Variants in CFAP46 observed in about 807,000 individuals in gnomAD.
CFAP46 encodes cilia and flagella associated protein 46, also known as cilia- and flagella-associated protein 46.
A neutral mutation model predicts 325.7 loss-of-function variants in CFAP46; 245 were observed. That is an observed-to-expected ratio of 0.75 (90% confidence interval 0.68 to 0.84). The LOEUF is 0.84. Among genes scored for constraint, CFAP46 ranks in the 40% least tolerant of loss-of-function variants. CFAP46 has a pLI of 0.00. For synonymous variants in CFAP46, 1,523 were observed against 1,495.9 expected, an observed-to-expected ratio of 1.02 and a Z score of -0.42; for missense variants, 3,346 against 3,543.0, an observed-to-expected ratio of 0.94 and a Z score of 1.41.
Position 132,872,609 on chromosome 10 carries a change from C to G in CFAP46, c.4511+67G>C, listed in dbSNP as rs1392754971. On this transcript the variant is annotated intron_variant, in intron 32 of 57. Transcript: ENST00000368586. ...ACACAGTCAACTACAGAATTAATAC[C>G]TTAACATGTTGTTTATTTTTGTTTT... 4 of 1,522,686 alleles carry G rather than the reference C, an allele frequency of 2.6e-6. No individual in the cohort carries two copies. The Admixed American group carries it at 5.9e-5, about 22-fold the overall frequency. 94.3% of individuals were successfully genotyped at this position (1,522,686 alleles called of 1,614,324 possible).
intron 11 of CFAP46, among the ~76,000 whole-genome samples, chr10:132,923,060 G>T (rs1849751442): frequency 6.6e-6 from 1 of 152,234 alleles, no homozygotes; most frequent in African/African-American, 2.4e-5. Context: ...AGGGGTCGGG[G>T]TGCAGGGCTG....
At chr10:132,887,105 CCT>C (rs1436749089) in intron 25 of CFAP46, among the ~76,000 whole-genome samples, 1 of 140,378 alleles carries the variant, frequency 7.1e-6, no homozygotes, top group Non-Finnish European at 1.5e-5. Context: ...TCTCCTCTCT[CCT>C]CTTTCACCTC....
At chr10:132,850,625 T>C (rs1660359491) in intron 40 of CFAP46, among the ~76,000 whole-genome samples, 193 bp from the exon 41 acceptor site, 1 of 152,222 alleles carries the variant, frequency 6.6e-6, no homozygotes, top group Admixed American at 6.5e-5. Context: ...CATAGAACCT[T>C]AATTCAGAGC....
Position 132,886,438 on chromosome 10 carries a change from C to T in CFAP46, c.3305-479G>A, listed in dbSNP as rs920269582. 1.2e-4 allele frequency among the ~76,000 whole-genome samples: 18 copies of T among 152,222 alleles called. No individual in the cohort carries two copies. The highest frequency in any genetic ancestry group is 3.9e-4 in the African/African-American group (16 of 41,458). On this transcript the variant is annotated intron_variant, in intron 25 of 57. Transcript: ENST00000368586. This position sits in a 1 kb window ranked among gnomAD's most constrained non-coding sequence, Gnocchi z 5.8. ...ACGCAGGCAGCGGAGCCATGTGACA[C>T]GCAGAGGCAAAGGTGCCTGCCTTCA... is the stretch of plus-strand genomic sequence containing the variant.
Position 132,835,338 on chromosome 10 carries a change from A to C in CFAP46, c.6710T>G (p.Val2237Gly), listed in dbSNP as rs769123075. Residue 2237 changes from valine (V) to glycine (G), a missense_variant, in exon 47 of 58, where the codon GTG (valine) becomes GGG (glycine). Transcript: ENST00000368586. ...QQFRKQTQAQ[V>G]YSEDMALNIG... ...GTTCAGGGCCATGTCCTCACTGTACACCTGGGCCTGGGTCTGCTTCCGGAA... is the reference window on the plus strand; with the variant it reads ...GTTCAGGGCCATGTCCTCACTGTACCCCTGGGCCTGGGTCTGCTTCCGGAA... The C allele has an allele frequency of 8.1e-6, 13 of 1,613,408 alleles. No individual in the cohort carries two copies. In the African/African-American group the frequency reaches 1.6e-4, roughly 20 times the overall value.
At chr10:132,883,626 G>A (rs1041796192) in intron 27 of CFAP46, among the ~76,000 whole-genome samples, 1 of 152,238 alleles carries the variant, frequency 6.6e-6, no homozygotes. Flanking sequence ...CTGTGCCCCC[G>A]GGGGACGAGG....
At position 132,885,150 on chromosome 10, in the gene CFAP46, C is replaced by T. The variant is rs370936158; in HGVS notation, c.3580G>A (p.Val1194Met). The change falls in exon 27 of 58, where the codon GTG becomes ATG. Residue 1194 changes from valine (V) to methionine (M), a missense_variant. Physicochemically the swap from Val to Met is conservative, Grantham distance 21. Coordinates refer to ENST00000368586, the MANE Select transcript of CFAP46 (RefSeq NM_001200049.3). ...TTGTAGCAGGCCAGCTCTCCAGACA[C>T]GCTCGGCGAGTTCAGGGCCAGGCGG... ...WHRLALNSPS[V>M]SGELACYNNA... is the part of the protein sequence containing the mutation. 1,363 of 1,550,336 alleles carry T rather than the reference C, an allele frequency of 8.8e-4. 18 individuals are homozygous for T. In the South Asian group the frequency reaches 0.015, roughly 17 times the overall value.
Position 132,850,442 on chromosome 10 carries a change from G to C in CFAP46, c.5764-10C>G. On this transcript the variant is annotated splice_polypyrimidine_tract_variant and intron_variant, in intron 40 of 57. Coordinates refer to ENST00000368586, the MANE Select transcript of CFAP46 (RefSeq NM_001200049.3). ...TCAGCGTGAACCATTGCTTCGAAAA[G>C]ACAGACATGTTACAGCTGCCACCCC... is the stretch of plus-strand genomic sequence containing the variant. 1 of 1,548,194 alleles carries C rather than the reference G, an allele frequency of 6.5e-7. No homozygotes were observed. Among genetic ancestry groups the C allele is most frequent in the Non-Finnish European group, 8.8e-7 (1 of 1,142,848 alleles).
chr10:132,808,721 A>C lies in CFAP46; in HGVS notation c.7848T>G (p.Pro2616=). The change falls in exon 58 of 58, where the codon CCT becomes CCG. Residue 2616 remains proline (P), a synonymous_variant. Coordinates refer to ENST00000368586, the MANE Select transcript of CFAP46 (RefSeq NM_001200049.3). The surrounding 1 kb of genome is among the most constrained non-coding windows in gnomAD (Gnocchi z 6.8). The stretch of plus-strand genomic sequence containing the variant: ...CCGGGAGGTGGGGATGGGTTGGCAG[A>C]GGGGCAGAGCCAAGGGCAGAGGCAA... The part of the protein sequence containing the change: ...PALASALGSA[P]LPTHPHLPAP... 5 of 1,569,632 alleles carry C rather than the reference A, an allele frequency of 3.2e-6. No homozygotes were observed. Among genetic ancestry groups the C allele is most frequent in the Non-Finnish European group, 1.7e-6 (2 of 1,157,596 alleles).
At position 132,886,482 on chromosome 10, in the gene CFAP46, C is replaced by CCT. The variant is rs1350330973; in HGVS notation, c.3305-525_3305-524dup. Among the ~76,000 whole-genome samples the CCT allele has an allele frequency of 2.6e-5, 4 of 152,194 alleles. No individual in the cohort carries two copies. The highest frequency in any genetic ancestry group is 9.7e-5 in the African/African-American group (4 of 41,446). On this transcript the variant is annotated intron_variant, in intron 25 of 57. Coordinates refer to ENST00000368586, the MANE Select transcript of CFAP46 (RefSeq NM_001200049.3). The surrounding 1 kb of genome is among the most constrained non-coding windows in gnomAD (Gnocchi z 5.8). ...GCCTTCAGGGCACACACAAAAATCG[C>CCT]CTGCCTGCCGGGAGGTGAGCCCCAC...
At chr10:132,814,517 G>A (rs1847649898) in intron 53 of CFAP46, 60 bp downstream of exon 53, 1 of 1,543,278 alleles carries the variant, frequency 6.5e-7, no homozygotes. Context: ...CACAACTGCA[G>A]GACGGCAGGA....
intron 16 of CFAP46, 108 bp from the exon 17 acceptor site, chr10:132,916,790 A>C: frequency 1.4e-6 from 2 of 1,380,748 alleles, no homozygotes; most frequent in Non-Finnish European, 1.9e-6. Context: ...AATGCCAAGC[A>C]CAGGCTGTGA....
chr10:132,867,857 G>A (rs754182910), intron 33 of CFAP46, among the ~76,000 whole-genome samples: 1 of 152,166 alleles, frequency 6.6e-6, no homozygotes, highest in Non-Finnish European at 1.5e-5. Context: ...ACAGGTCCCT[G>A]GGTGGGCTCC....
At chr10:132,837,794 TG>T (rs36133083) in intron 44 of CFAP46, among the ~76,000 whole-genome samples, 2 of 97,060 alleles carry the variant, frequency 2.1e-5, no homozygotes, top group Non-Finnish European at 4.1e-5. Flanking sequence ...CAGACATGCA[TG>T]GACACACATG....
In CFAP46 at chr10:132,924,866, C is replaced by G; in HGVS notation, c.1086G>C (p.Gln362His). ...CTCGCTGCAGCGCGACGTCTAGCCT[C>G]TGTATGATATCCAGCTGGGCCTGCG... The part of the protein sequence containing the change: ...AAVEAQLDII[Q>H]RLDVALQRAV... Residue 362 changes from glutamine (Q) to histidine (H), a missense_variant, in exon 11 of 58, where the codon CAG (glutamine) becomes CAC (histidine). Coordinates refer to ENST00000368586, the MANE Select transcript of CFAP46 (RefSeq NM_001200049.3). The G allele has an allele frequency of 7.1e-7, 1 of 1,401,134 alleles. No individual in the cohort carries two copies. Among genetic ancestry groups the G allele is most frequent in the Non-Finnish European group, 9.3e-7 (1 of 1,070,368 alleles). The allele number at this position is 1,401,134 out of a possible 1,614,324, so 86.8% of individuals were successfully genotyped here.
At chr10:132,810,310 A>G (rs1847552609) in intron 57 of CFAP46, 99 bp downstream of exon 57, 1 of 982,038 alleles carries the variant, frequency 1.0e-6, no homozygotes, top group Non-Finnish European at 1.6e-6. Flanking sequence ...GGAGAAGCGG[A>G]GACACCTGTC....
At chr10:132,833,603 A>G in intron 49 of CFAP46, 78 bp from the exon 50 acceptor site, 1 of 1,495,712 alleles carries the variant, frequency 6.7e-7, no homozygotes, top group Non-Finnish European at 9.1e-7. Context: ...CCGTCTTCTG[A>G]CTTGGCTGCT....
chr10:132,896,545 C>T (rs914677528), intron 24 of CFAP46, among the ~76,000 whole-genome samples: 13 of 152,124 alleles, frequency 8.5e-5, no homozygotes, highest in Non-Finnish European at 5.9e-5. Context: ...AGGTGAAAGA[C>T]TTACATGCTA....
chr10:132,894,368 G>A (rs1849293889), intron 24 of CFAP46, among the ~76,000 whole-genome samples: 1 of 152,156 alleles, frequency 6.6e-6, no homozygotes, highest in Non-Finnish European at 1.5e-5. Flanking sequence ...CAATCTCAGA[G>A]GGAGTTCACC....
Sources: allele counts gnomAD v4.1 joint callset (sites outside exome capture counted in the v4.1 genomes callset), GRCh38; gene constraint gnomAD v4.1.1; non-coding constraint Gnocchi (gnomAD v3.1); transcripts MANE v1.5; gene names NCBI Gene and HGNC (gene_info 2026-07-23, HGNC 2026-07-21).